The following EDA variants were observed in gnomAD, a reference collection of about 807,000 sequenced individuals.
EDA encodes the protein ectodysplasin-A.
In EDA, 2 loss-of-function variants were observed where a neutral mutation model predicts 23.6. The observed-to-expected ratio is 0.08, with a 90% confidence interval of 0.03 to 0.27. The LOEUF (loss-of-function observed/expected upper bound fraction) is 0.27. EDA is among the 10% of genes least tolerant of loss of function. The pLI is 1.00. For missense variants in EDA, 229 were observed against 324.2 expected (o/e 0.71, Z 2.26); for synonymous variants, 131 against 132.0 (o/e 0.99, Z 0.05).
At chrX:69,954,741 G>A (rs1020333078) in intron 1 of EDA, among the ~76,000 whole-genome samples, 13 of 111,285 alleles carry the variant, frequency 1.2e-4, no homozygotes, top group Non-Finnish European at 2.1e-4. Flanking sequence ...TATCCTGGGC[G>A]TTTGTTATAC....
At chrX:69,824,577 A>G (rs1373585413) in intron 1 of EDA, among the ~76,000 whole-genome samples, 3 of 107,220 alleles carry the variant, frequency 2.8e-5, no homozygotes, top group African/African-American at 1.0e-4. Context: ...GAAGTTGCTT[A>G]TCAGCTTAAG....
In EDA at chrX:69,854,271, G is replaced by A. The variant is rs776634795; in HGVS notation, c.397-102756G>A. Among the ~76,000 whole-genome samples, 95 of 110,713 alleles carry A rather than the reference G, an allele frequency of 8.6e-4. No homozygotes were observed. The Admixed American group carries it at 9.2e-3, about 11-fold the overall frequency. On this transcript the variant is annotated intron_variant, in intron 1 of 7. Coordinates refer to ENST00000374552, the MANE Select transcript of EDA (RefSeq NM_001399.5). ...TGCAGTGATACCATCTCAGCTCAAT[G>A]CAGCCTCTGCCTCCTGGGTTCAAGC...
At chrX:69,760,600 A>G (rs774311598) in intron 1 of EDA, among the ~76,000 whole-genome samples, 5 of 112,279 alleles carry the variant, frequency 4.5e-5, no homozygotes, top group Non-Finnish European at 9.4e-5. Flanking sequence ...TATTCCAGCA[A>G]GGATATCAGT....
chrX:69,828,707 C>T (rs1441119430), intron 1 of EDA, among the ~76,000 whole-genome samples: 3 of 112,265 alleles, frequency 2.7e-5, no homozygotes, highest in African/African-American at 9.7e-5. Flanking sequence ...TGTTCCTATT[C>T]GGCCATCTTG....
chrX:69,698,471 T>C (rs1349064540), intron 1 of EDA, among the ~76,000 whole-genome samples: 1 of 111,689 alleles, frequency 9.0e-6, no homozygotes. Context: ...GGCAGAGGCA[T>C]GGCCTCATTT....
chrX:69,990,174 C>G (rs1416367886), intron 2 of EDA, among the ~76,000 whole-genome samples: 1 of 110,192 alleles, frequency 9.1e-6, no homozygotes, highest in Non-Finnish European at 1.9e-5. Context: ...TTAATGTTCT[C>G]AATCTTATTT....
Position 69,718,090 on chromosome X carries a change from C to T in EDA, c.396+101386C>T, listed in dbSNP as rs546931516. 3.8e-4 allele frequency among the ~76,000 whole-genome samples: 42 copies of T among 111,708 alleles called. No homozygotes were observed. The South Asian group carries it at 0.016, about 43-fold the overall frequency. On this transcript the variant is annotated intron_variant, in intron 1 of 7. Coordinates refer to ENST00000374552, the MANE Select transcript of EDA (RefSeq NM_001399.5). ...CCTATACAACCAGTGGAACTATGAG[C>T]CAATTAAACCTCTTTTCTTTATAAA... is the stretch of plus-strand genomic sequence containing the variant.
chrX:69,832,754 C>T (rs1327633826), intron 1 of EDA, among the ~76,000 whole-genome samples: 4 of 111,436 alleles, frequency 3.6e-5, no homozygotes, highest in Admixed American at 1.9e-4. Flanking sequence ...AGGTCCTTCA[C>T]ATCCCTTGTA....
chrX:70,016,388 A>G (rs774651203), intron 2 of EDA, among the ~76,000 whole-genome samples: 3 of 108,258 alleles, frequency 2.8e-5, no homozygotes, highest in South Asian at 8.1e-4. Flanking sequence ...AGCCTAACAG[A>G]CATCTACAGA....
chrX:70,024,751 C>T (rs2020084898), intron 3 of EDA, among the ~76,000 whole-genome samples: 2 of 111,702 alleles, frequency 1.8e-5, no homozygotes, highest in Admixed American at 9.4e-5. Flanking sequence ...CCTCCTTCCA[C>T]AACTCTCTCT....
At chrX:69,700,483 C>T (rs2804324) in intron 1 of EDA, among the ~76,000 whole-genome samples, 37,339 of 110,743 alleles carry the variant, frequency 0.34, 5,249 homozygotes, top group Middle Eastern at 0.57. Context: ...GGAGTACAGC[C>T]TGGTTAATGA....
intron 1 of EDA, among the ~76,000 whole-genome samples, chrX:69,832,355 G>A (rs1003751594): frequency 2.2e-4 from 25 of 111,136 alleles, no homozygotes; most frequent in Admixed American, 2.0e-3. Flanking sequence ...GTAGATGTGT[G>A]GTATTATTTC....
At chrX:69,982,791 A>G (rs2147454140) in intron 2 of EDA, among the ~76,000 whole-genome samples, 1 of 89,165 alleles carries the variant, frequency 1.1e-5, no homozygotes, top group South Asian at 6.3e-4. Flanking sequence ...TGCAGAGCTG[A>G]GTTCAATTCC....
chrX:69,785,725 G>T (rs2015139151), intron 1 of EDA, among the ~76,000 whole-genome samples: 1 of 106,876 alleles, frequency 9.4e-6, no homozygotes, highest in South Asian at 4.2e-4. Flanking sequence ...TTGCATCAAT[G>T]TTCATCAAGG....
At chrX:69,690,503 T>G (rs912778021) in intron 1 of EDA, among the ~76,000 whole-genome samples, 2 of 111,916 alleles carry the variant, frequency 1.8e-5, no homozygotes, top group African/African-American at 6.5e-5. Context: ...GGTCATGTTA[T>G]ACAATCCTTT....
At chrX:69,962,941 G>T (rs1157227348) in intron 2 of EDA, among the ~76,000 whole-genome samples, 1 of 111,398 alleles carries the variant, frequency 9.0e-6, no homozygotes, top group African/African-American at 3.3e-5. Flanking sequence ...AAGACTCCAA[G>T]CCTCACACTA....
At chrX:69,658,592 A>G (rs185236360) in intron 1 of EDA, among the ~76,000 whole-genome samples, 243 of 111,073 alleles carry the variant, frequency 2.2e-3, no homozygotes, top group African/African-American at 7.4e-3. Context: ...TTTCTTCTCA[A>G]ACTCTCAACA....
At chrX:69,751,138 T>C (rs868110161) in intron 1 of EDA, among the ~76,000 whole-genome samples, 1 of 109,702 alleles carries the variant, frequency 9.1e-6, no homozygotes, top group Non-Finnish European at 1.9e-5. Flanking sequence ...GGTTTTCTTC[T>C]AGGGGTTTTA....
intron 1 of EDA, among the ~76,000 whole-genome samples, chrX:69,825,645 C>A (rs1371619782): frequency 2.6e-5 from 3 of 113,355 alleles, no homozygotes; most frequent in East Asian, 2.8e-4. Flanking sequence ...CTCTCAAAAA[C>A]CCAGCTCCTG....
Sources: gnomAD v4.1 joint callset for allele counts (sites outside exome capture counted in the v4.1 genomes callset) on GRCh38, gnomAD v4.1.1 for gene constraint, MANE v1.5 for transcripts, NCBI Gene and HGNC (gene_info 2026-07-23, HGNC 2026-07-21) for gene names.